The following ASTN2 variants were observed in gnomAD, a reference collection of about 807,000 sequenced individuals.
ASTN2 encodes astrotactin-2.
In ASTN2, 54 loss-of-function variants were observed where a neutral mutation model predicts 139.8. That is an observed-to-expected ratio of 0.39 (90% CI 0.31 to 0.48). ASTN2 has a LOEUF of 0.48. Among genes scored for constraint, ASTN2 ranks in the 20% least tolerant of loss-of-function variants. The pLI is 0.95. For synonymous variants in ASTN2, 756 were observed against 719.5 expected, an observed-to-expected ratio of 1.05 and a Z score of -0.81; for missense variants, 1,565 against 1,725.1, an observed-to-expected ratio of 0.91 and a Z score of 1.64.
chr9:117,373,247 T>G (rs1830034540), intron 1 of ASTN2, among the ~76,000 whole-genome samples: 1 of 152,224 alleles, frequency 6.6e-6, no homozygotes, highest in South Asian at 2.1e-4. Context: ...AAGACTTCTA[T>G]AGATTTTTGT....
At chr9:117,199,738 A>G (rs537398587) in intron 3 of ASTN2, among the ~76,000 whole-genome samples, 1 of 152,034 alleles carries the variant, frequency 6.6e-6, no homozygotes, top group South Asian at 2.1e-4. Flanking sequence ...CATTTTCATG[A>G]TATTGATTCT....
rs561955623 is a variant in ASTN2 at position 117,040,056 on chromosome 9, T to A, written c.1277-91A>T. 3.6e-4 allele frequency: 498 copies of A among 1,375,618 alleles called. 2 individuals are homozygous for A. The highest frequency in any genetic ancestry group is 3.4e-3 in the Middle Eastern group (18 of 5,314). The allele number at this position is 1,375,618 out of a possible 1,614,324, so 85.2% of individuals were successfully genotyped here. ...GTTTGGGAATTCTATTATTTTCCAGTTGGGAATCTGAAAAAAGAAAAGAAA... is the reference window on the plus strand; with the variant it reads ...GTTTGGGAATTCTATTATTTTCCAGATGGGAATCTGAAAAAAGAAAAGAAA... On this transcript the variant is annotated intron_variant, in intron 5 of 22. Transcript: ENST00000313400.
chr9:116,758,406 C>G (rs1219263979), intron 13 of ASTN2, among the ~76,000 whole-genome samples: 1 of 152,144 alleles, frequency 6.6e-6, no homozygotes, highest in Non-Finnish European at 1.5e-5. Context: ...CATGTGCCAG[C>G]TTTCAGGGGT....
Position 117,247,175 on chromosome 9 carries a change from G to A in ASTN2, c.631-32433C>T, listed in dbSNP as rs116853539. On this transcript the variant is annotated intron_variant, in intron 2 of 22. Coordinates refer to ENST00000313400, the MANE Select transcript of ASTN2 (RefSeq NM_001365068.1). ...ACAGAACAAGAGAGAAAAGTAAGAG[G>A]GACTCAGGAAAGAATATTAATTGAA... Among the ~76,000 whole-genome samples the A allele has an allele frequency of 6.6e-4, 101 of 152,220 alleles. 1 individual carries two copies. In the East Asian group the frequency reaches 0.018, roughly 27 times the overall value.
At chr9:116,791,036 AAAGAAAG>A (rs1830539716) in intron 13 of ASTN2, among the ~76,000 whole-genome samples, 1 of 103,698 alleles carries the variant, frequency 9.6e-6, no homozygotes, top group Non-Finnish European at 2.1e-5. Flanking sequence ...AGAAAGAAAG[AAAGAAAG>A]AAAAGAAAAG....
At chr9:116,506,927 C>T (rs1172120158) in intron 19 of ASTN2, among the ~76,000 whole-genome samples, 8 of 152,118 alleles carry the variant, frequency 5.3e-5, no homozygotes, top group Admixed American at 5.2e-4. Context: ...CTCTGGACCT[C>T]AGTTCACTCA....
chr9:117,052,203 G>A (rs1407033473), intron 5 of ASTN2, among the ~76,000 whole-genome samples: 1 of 152,106 alleles, frequency 6.6e-6, no homozygotes, highest in Non-Finnish European at 1.5e-5. Context: ...CACTTTGGGA[G>A]GCTGAGGTGG....
chr9:116,744,266 G>A (rs1457475342), intron 13 of ASTN2, among the ~76,000 whole-genome samples: 1 of 152,228 alleles, frequency 6.6e-6, no homozygotes, highest in Non-Finnish European at 1.5e-5. Flanking sequence ...AAAGCAGCGA[G>A]TGAGAAGCAA....
intron 11 of ASTN2, among the ~76,000 whole-genome samples, chr9:116,852,168 C>G (rs1832624331): frequency 6.6e-6 from 1 of 152,142 alleles, no homozygotes; most frequent in Non-Finnish European, 1.5e-5. Context: ...AGTTTCCTAG[C>G]TCAACAAGCT....
intron 3 of ASTN2, among the ~76,000 whole-genome samples, chr9:117,155,508 G>C (rs949802567): frequency 1.9e-5 from 2 of 104,148 alleles, no homozygotes; most frequent in African/African-American, 7.5e-5. Context: ...GAGAGAGAGA[G>C]ACAGAGACAG....
intron 20 of ASTN2, among the ~76,000 whole-genome samples, chr9:116,469,772 C>T (rs890114139): frequency 2.0e-5 from 3 of 151,982 alleles, no homozygotes; most frequent in Non-Finnish European, 4.4e-5. Context: ...AACACTATAC[C>T]CCATAAACTG....
intron 4 of ASTN2, among the ~76,000 whole-genome samples, chr9:117,113,636 A>G (rs902306105): frequency 6.6e-6 from 1 of 151,904 alleles, no homozygotes; most frequent in African/African-American, 2.4e-5. Flanking sequence ...AGCCTGGGCA[A>G]CAAGAGCAAA....
intron 13 of ASTN2, among the ~76,000 whole-genome samples, chr9:116,775,624 G>GGAAA (rs1830066039): frequency 7.7e-6 from 1 of 129,262 alleles, no homozygotes; most frequent in Non-Finnish European, 1.7e-5. Context: ...AAGGAAGGAA[G>GGAAA]GAAGGAAGGA....
At chr9:117,154,534 T>C (rs984245039) in intron 3 of ASTN2, among the ~76,000 whole-genome samples, 1 of 152,068 alleles carries the variant, frequency 6.6e-6, no homozygotes, top group South Asian at 2.1e-4. Flanking sequence ...TTAAAACTAC[T>C]GTGACATGTA....
intron 6 of ASTN2, among the ~76,000 whole-genome samples, chr9:117,019,432 C>A (rs2132611900): frequency 6.6e-6 from 1 of 152,152 alleles, no homozygotes; most frequent in South Asian, 2.1e-4. Flanking sequence ...CACTGCCAGG[C>A]ACGGATGAGA....
At chr9:116,980,251 A>C (rs1194610890) in intron 7 of ASTN2, among the ~76,000 whole-genome samples, 1 of 152,164 alleles carries the variant, frequency 6.6e-6, no homozygotes, top group Non-Finnish European at 1.5e-5. Context: ...AGTAATTGAA[A>C]TAGTGAAGAA....
chr9:116,948,785 G>GTTTTTTTTTTTGTTTTTTTTTTTTTTTT (rs1835471236), intron 10 of ASTN2, among the ~76,000 whole-genome samples: 3 of 49,472 alleles, frequency 6.1e-5, no homozygotes, highest in African/African-American at 1.7e-4. Context: ...ATAATTTGGT[G>GTTTTTTTTTTTGTTTTTTTTTTTTTTTT]TTTTTTTTTT....
intron 2 of ASTN2, among the ~76,000 whole-genome samples, chr9:117,233,932 T>C (rs1832970700): frequency 6.6e-6 from 1 of 151,144 alleles, no homozygotes; most frequent in Non-Finnish European, 1.5e-5. Flanking sequence ...AAAATGCACA[T>C]TTGATAGGAC....
Position 116,853,021 on chromosome 9 carries a change from G to A in ASTN2, c.2040+10562C>T, listed in dbSNP as rs146581502. On this transcript the variant is annotated intron_variant, in intron 11 of 22. Transcript: ENST00000313400. ...TAGTTCTGACTTAGAAAATTGTCCC[G>A]AAGAAACACAACTGTATGCTTTTTA... is the stretch of plus-strand genomic sequence containing the variant. Among the ~76,000 whole-genome samples, 627 of 152,004 alleles carry A rather than the reference G, an allele frequency of 4.1e-3. 2 individuals carry two copies. The highest frequency in any genetic ancestry group is 0.015 in the African/African-American group (611 of 41,450).
Sources: gnomAD v4.1 joint callset for allele counts (sites outside exome capture counted in the v4.1 genomes callset) on GRCh38, gnomAD v4.1.1 for gene constraint, MANE v1.5 for transcripts, NCBI Gene and HGNC (gene_info 2026-07-23, HGNC 2026-07-21) for gene names.